The following OPHN1 variants were observed in gnomAD, a reference collection of about 807,000 sequenced individuals.
The protein encoded by OPHN1 is oligophrenin 1.
OPHN1 carries 11 observed loss-of-function variants against 60.7 expected under a neutral mutation model. The ratio of observed to expected loss-of-function variants is 0.18; its 90% CI spans 0.11 to 0.30. OPHN1 has a LOEUF of 0.30. Among genes scored for constraint, OPHN1 ranks in the 10% least tolerant of loss-of-function variants. The pLI, the probability that OPHN1 is intolerant of heterozygous loss-of-function variation, is 1.00. For synonymous variants in OPHN1, 226 were observed against 222.6 expected (o/e 1.02, Z -0.14); for missense variants, 449 against 611.0 (o/e 0.73, Z 2.80).
intron 2 of OPHN1, among the ~76,000 whole-genome samples, chrX:68,375,813 C>T (rs1261505402): frequency 9.0e-6 from 1 of 110,785 alleles, no homozygotes. Context: ...CTCAAAACAA[C>T]CCTACAAAGT....
intron 2 of OPHN1, among the ~76,000 whole-genome samples, chrX:68,366,528 C>T (rs1041510463): frequency 1.8e-5 from 2 of 110,202 alleles, no homozygotes; most frequent in Non-Finnish European, 3.8e-5. Flanking sequence ...TATGTGTGTG[C>T]CCGTGTGTAG....
chrX:68,311,723 G>A (rs753687092), intron 2 of OPHN1, among the ~76,000 whole-genome samples: 1 of 111,941 alleles, frequency 8.9e-6, no homozygotes, highest in Non-Finnish European at 1.9e-5. Flanking sequence ...GTGAGCCACC[G>A]TGCCTAGCTG....
chrX:68,073,321 A>G, intron 19 of OPHN1, 22 bp from the exon 20 acceptor site: 1 of 1,179,467 alleles, frequency 8.5e-7, no homozygotes. Flanking sequence ...GAAGGAAGAT[A>G]TCTAGAGAAT....
At chrX:68,174,638 A>AT (rs1464686292) in intron 15 of OPHN1, among the ~76,000 whole-genome samples, 3 of 108,648 alleles carry the variant, frequency 2.8e-5, no homozygotes, top group Non-Finnish European at 5.7e-5. Flanking sequence ...CACTCAGCTA[A>AT]TTTTTTTATA....
At chrX:68,135,175 G>A (rs775094693) in intron 15 of OPHN1, among the ~76,000 whole-genome samples, 53 of 111,798 alleles carry the variant, frequency 4.7e-4, no homozygotes, top group Non-Finnish European at 9.2e-4. Flanking sequence ...GAATATTCAC[G>A]TTCGAAGATT....
chrX:68,106,515 T>A (rs1055983840), intron 18 of OPHN1, among the ~76,000 whole-genome samples: 3 of 111,727 alleles, frequency 2.7e-5, no homozygotes, highest in Non-Finnish European at 5.6e-5. Flanking sequence ...TGCCTGCTGA[T>A]AAATAGCTAT....
chrX:68,055,013 A>G (rs1402757175), intron 21 of OPHN1, among the ~76,000 whole-genome samples: 1 of 112,277 alleles, frequency 8.9e-6, no homozygotes, highest in Non-Finnish European at 1.9e-5. Flanking sequence ...CAGCTCTAAA[A>G]TGTAGAAGAT....
intron 5 of OPHN1, among the ~76,000 whole-genome samples, chrX:68,264,933 G>C (rs2077915310): frequency 8.9e-6 from 1 of 112,472 alleles, no homozygotes; most frequent in Non-Finnish European, 1.9e-5. Flanking sequence ...CTCACTGCTA[G>C]CACAGCAGTC....
intron 18 of OPHN1, among the ~76,000 whole-genome samples, chrX:68,107,722 C>T (rs935682987): frequency 9.0e-6 from 1 of 111,379 alleles, no homozygotes; most frequent in Non-Finnish European, 1.9e-5. Context: ...GTGATCCACC[C>T]GCCTCGGCCT....
chrX:68,408,658 C>A (rs1288806841), intron 2 of OPHN1, among the ~76,000 whole-genome samples: 1 of 112,723 alleles, frequency 8.9e-6, no homozygotes, highest in Non-Finnish European at 1.9e-5. Context: ...CATGTTAAAT[C>A]ACTTATTCTA....
chrX:68,120,884 C>T (rs2077147590), intron 15 of OPHN1, among the ~76,000 whole-genome samples: 1 of 111,876 alleles, frequency 8.9e-6, no homozygotes, highest in Non-Finnish European at 1.9e-5. Context: ...GTCAAGAACA[C>T]TCAACAGGGA....
At chrX:68,258,817 C>T (rs2077879206) in intron 5 of OPHN1, among the ~76,000 whole-genome samples, 1 of 111,520 alleles carries the variant, frequency 9.0e-6, no homozygotes, top group Non-Finnish European at 1.9e-5. Flanking sequence ...TCTCTTCCAC[C>T]AGTGACTGCT....
chrX:68,341,090 A>G (rs2078349339), intron 2 of OPHN1, among the ~76,000 whole-genome samples: 1 of 110,495 alleles, frequency 9.1e-6, no homozygotes, highest in African/African-American at 3.3e-5. Flanking sequence ...AAAAAAAAAA[A>G]TGAAGTTGTA....
chrX:68,064,674 A>C (rs1276291486), intron 20 of OPHN1, among the ~76,000 whole-genome samples: 5 of 112,029 alleles, frequency 4.5e-5, no homozygotes, highest in Non-Finnish European at 9.4e-5. Flanking sequence ...GTGGTCTACA[A>C]TTTCCTCTGA....
intron 2 of OPHN1, among the ~76,000 whole-genome samples, chrX:68,306,377 C>T (rs917884375): frequency 2.7e-5 from 3 of 111,918 alleles, no homozygotes; most frequent in Non-Finnish European, 5.6e-5. Context: ...CTGACTACTA[C>T]TCGTTACTGG....
intron 3 of OPHN1, among the ~76,000 whole-genome samples, chrX:68,287,156 G>GGAAAGAAAGAAAGAAAGAAAGAAAAGAAA: frequency 1.4e-5 from 1 of 72,897 alleles, no homozygotes; most frequent in African/African-American, 7.4e-5. Context: ...GAAGAAAGAA[G>GGAAAGAAAGAAAGAAAGAAAGAAAAGAAA]GAAAGAAAGA....
At chrX:68,426,549 G>GCT (rs1555987120) in intron 2 of OPHN1, among the ~76,000 whole-genome samples, 6 of 18,469 alleles carry the variant, frequency 3.2e-4, no homozygotes, top group Non-Finnish European at 9.4e-4. Flanking sequence ...TCTGACATCT[G>GCT]TTTTATATAT....
chrX:68,114,107 A>AAATTTAG (rs2077117461), intron 16 of OPHN1, among the ~76,000 whole-genome samples: 1 of 111,322 alleles, frequency 9.0e-6, no homozygotes, highest in Non-Finnish European at 1.9e-5. Context: ...AAAGAGCACC[A>AAATTTAG]TACACAAAAT....
chrX:68,362,817 T>C (rs917008874), intron 2 of OPHN1, among the ~76,000 whole-genome samples: 1 of 111,674 alleles, frequency 9.0e-6, no homozygotes, highest in African/African-American at 3.2e-5. Flanking sequence ...GCAATCAATA[T>C]TGGTTCATCA....
Sources: gnomAD v4.1 joint callset for allele counts (sites outside exome capture counted in the v4.1 genomes callset) on GRCh38, gnomAD v4.1.1 for gene constraint, MANE v1.5 for transcripts, NCBI Gene and HGNC (gene_info 2026-07-23, HGNC 2026-07-21) for gene names.